The following BEND6 variants were observed in gnomAD, a reference collection of about 807,000 sequenced individuals.
BEND6 encodes BEN domain containing 6, also known as BEN domain-containing protein 6.
BEND6 carries 24 observed loss-of-function variants against 31.8 expected under a neutral mutation model. That is an observed-to-expected ratio of 0.75 (90% CI 0.55 to 1.06). The LOEUF is 1.06. BEND6 is among the 50% of genes least tolerant of loss of function. BEND6 has a pLI of 0.00. For synonymous variants in BEND6, 109 were observed against 114.6 expected (o/e 0.95, Z 0.31); for missense variants, 294 against 327.4 (o/e 0.90, Z 0.79).
intron 1 of BEND6, among the ~76,000 whole-genome samples, chr6:56,970,049 C>T (rs967201284): frequency 6.6e-6 from 1 of 152,004 alleles, no homozygotes; most frequent in African/African-American, 2.4e-5. Context: ...TGAGACAGTG[C>T]ATTGCATGTA....
intron 1 of BEND6, among the ~76,000 whole-genome samples, chr6:56,971,482 T>C (rs1193424855): frequency 6.6e-6 from 1 of 152,210 alleles, no homozygotes. Flanking sequence ...TTTTAGTATA[T>C]ACCCAGGAGT....
chr6:57,013,115 C>A (rs1394705684), intron 3 of BEND6, among the ~76,000 whole-genome samples: 1 of 152,146 alleles, frequency 6.6e-6, no homozygotes, highest in African/African-American at 2.4e-5. Flanking sequence ...TTTGCATATA[C>A]CTCAAGTAAA....
intron 1 of BEND6, among the ~76,000 whole-genome samples, chr6:56,966,101 GT>G (rs1175722282): frequency 2.0e-5 from 3 of 151,766 alleles, no homozygotes; most frequent in Non-Finnish European, 2.9e-5. Context: ...TTTTTTGTTT[GT>G]TTGTTTGTTT....
chr6:56,988,714 T>A (rs1826380053), intron 2 of BEND6, among the ~76,000 whole-genome samples: 1 of 152,132 alleles, frequency 6.6e-6, no homozygotes, highest in South Asian at 2.1e-4. Context: ...TATTCAATTT[T>A]GTTTAATTTA....
rs138471871 is a variant in BEND6, at chr6:56,961,285, T to C, written c.-101+5825T>C. 1.1e-4 allele frequency among the ~76,000 whole-genome samples: 16 copies of C among 152,336 alleles called. No homozygotes were observed. The East Asian group carries it at 2.5e-3, about 24-fold the overall frequency. On this transcript the variant is annotated intron_variant, in intron 1 of 6. Coordinates refer to ENST00000370746, the MANE Select transcript of BEND6 (RefSeq NM_152731.3). ...TCCATGGTTAGCAAAGGAAACTTTC[T>C]GTTCTAAACTATAAAAGTTTAGATA...
chr6:56,988,207 G>T (rs960488109), intron 2 of BEND6, among the ~76,000 whole-genome samples: 1 of 151,752 alleles, frequency 6.6e-6, no homozygotes, highest in African/African-American at 2.4e-5. Context: ...TAGTTGAGAC[G>T]GGGTTTCACC....
chr6:56,976,081 C>T, intron 1 of BEND6: 1 of 329,996 alleles, frequency 3.0e-6, no homozygotes, highest in Non-Finnish European at 6.1e-6. Context: ...ACAGCAAGGG[C>T]CATTCTCAGC....
chr6:56,988,674 T>C (rs1826378315), intron 2 of BEND6, among the ~76,000 whole-genome samples: 1 of 152,140 alleles, frequency 6.6e-6, no homozygotes, highest in Non-Finnish European at 1.5e-5. Context: ...CCTACCCCAT[T>C]CCCTGCCTGC....
intron 1 of BEND6, among the ~76,000 whole-genome samples, chr6:56,970,295 AGCCATTCTTAT>A (rs957457860): frequency 2.0e-5 from 3 of 152,006 alleles, no homozygotes; most frequent in Non-Finnish European, 4.4e-5. Context: ...CCCAGGTTCA[AGCCATTCTTAT>A]GCCTCAGCCT....
Position 56,989,007 on chromosome 6 carries a change from G to A in BEND6, c.121-3371G>A, listed in dbSNP as rs866480712. On this transcript the variant is annotated intron_variant, in intron 2 of 6. Coordinates refer to ENST00000370746, the MANE Select transcript of BEND6 (RefSeq NM_152731.3). Reference sequence around the variant, plus strand: ...GATCGTGCCACTGCACTCCATCCTGGGAGACAGAGTGAGATTCCATCTCAA... The same window carrying A: ...GATCGTGCCACTGCACTCCATCCTGAGAGACAGAGTGAGATTCCATCTCAA... Among the ~76,000 whole-genome samples the A allele has an allele frequency of 2.0e-5, 3 of 151,984 alleles. 1 individual carries two copies. The South Asian group carries it at 6.2e-4, about 32-fold the overall frequency.
intron 3 of BEND6, chr6:57,008,070 G>C: frequency 1.5e-6 from 1 of 669,792 alleles, no homozygotes; most frequent in Non-Finnish European, 2.7e-6. Flanking sequence ...GTTTCAACTA[G>C]AAGGTCAGAG....
chr6:56,975,836 G>A (rs1825852948), intron 1 of BEND6: 1 of 529,802 alleles, frequency 1.9e-6, no homozygotes, highest in Non-Finnish European at 3.8e-6. Flanking sequence ...GGCCAAGAAA[G>A]CTACTGACCT....
intron 2 of BEND6, among the ~76,000 whole-genome samples, chr6:56,990,158 G>A (rs1361221556): frequency 1.3e-5 from 2 of 148,338 alleles, no homozygotes; most frequent in Non-Finnish European, 1.5e-5. Flanking sequence ...TTTATTTGTT[G>A]AACAGATCCC....
In BEND6 at chr6:56,986,441, AAAT is replaced by A. The variant is rs752563794; in HGVS notation, c.120+4526_120+4528del. ...CAAAAGAGCAAGACCTGTTTCCAGAAAATAATAATAATAATAAATAAATAAACA... is the reference window on the plus strand; with the variant it reads ...CAAAAGAGCAAGACCTGTTTCCAGAAAATAATAATAATAAATAAATAAACA... On this transcript the variant is annotated intron_variant, in intron 2 of 6. Transcript: ENST00000370746. Among the ~76,000 whole-genome samples the A allele has an allele frequency of 1.4e-4, 21 of 152,038 alleles. No homozygotes were observed. The East Asian group carries it at 2.5e-3, about 18-fold the overall frequency.
chr6:56,988,755 G>C (rs904958978), intron 2 of BEND6, among the ~76,000 whole-genome samples: 2 of 152,072 alleles, frequency 1.3e-5, no homozygotes, highest in African/African-American at 4.8e-5. Context: ...TAGGCTGGGC[G>C]TGGTGGCTCA....
In BEND6 at chr6:57,014,830, C is replaced by A. The variant is rs138831641; in HGVS notation, c.299-303C>A. ...CAACACCTTCAAATAAAACCCCTAG[C>A]AACTAGAAAAAAAAGAATCAACTTT... On this transcript the variant is annotated intron_variant, in intron 3 of 6. Coordinates refer to ENST00000370746, the MANE Select transcript of BEND6 (RefSeq NM_152731.3). 1.2e-3 allele frequency among the ~76,000 whole-genome samples: 179 copies of A among 151,876 alleles called. 3 individuals are homozygous for A. The East Asian group carries it at 0.029, about 24-fold the overall frequency.
chr6:56,984,236 A>G (rs78231375), intron 2 of BEND6, among the ~76,000 whole-genome samples: 1 of 152,064 alleles, frequency 6.6e-6, no homozygotes, highest in African/African-American at 2.4e-5. Context: ...CAAAAAAAAA[A>G]GCAAAGAAAA....
chr6:56,966,912 A>G (rs1825501206), intron 1 of BEND6, among the ~76,000 whole-genome samples: 1 of 152,218 alleles, frequency 6.6e-6, no homozygotes, highest in Non-Finnish European at 1.5e-5. Flanking sequence ...AAAAGAGCAA[A>G]AAAAATAAAC....
intron 3 of BEND6, among the ~76,000 whole-genome samples, chr6:57,005,714 AAG>A (rs1827134871): frequency 6.6e-6 from 1 of 151,820 alleles, no homozygotes; most frequent in South Asian, 2.1e-4. Flanking sequence ...TACAAATGGG[AAG>A]AGAAGAGGCC....
Sources: gnomAD v4.1 joint callset for allele counts (sites outside exome capture counted in the v4.1 genomes callset) on GRCh38, gnomAD v4.1.1 for gene constraint, MANE v1.5 for transcripts, NCBI Gene and HGNC (gene_info 2026-07-23, HGNC 2026-07-21) for gene names.